Variants in CABIN1 observed in about 807,000 individuals in gnomAD.
CABIN1 encodes calcineurin binding protein 1.
In CABIN1, 133 loss-of-function variants were observed where a neutral mutation model predicts 227.7. The observed-to-expected ratio is 0.58, with a 90% CI of 0.51 to 0.67. The LOEUF (loss-of-function observed/expected upper bound fraction) is 0.67, where lower values mean the gene tolerates loss of function less well. CABIN1 is among the 30% of genes least tolerant of loss of function. The pLI, the probability that CABIN1 is intolerant of heterozygous loss-of-function variation, is 0.00. For synonymous variants in CABIN1, 1,086 were observed against 1,155.1 expected (o/e 0.94, Z 1.21); for missense variants, 2,408 against 2,852.5 (o/e 0.84, Z 3.55).
chr22:24,044,388 C>T (rs1352774610), intron 6 of CABIN1, among the ~76,000 whole-genome samples: 10 of 152,164 alleles, frequency 6.6e-5, no homozygotes, highest in African/African-American at 2.4e-4. Context: ...TCCCACCTTT[C>T]TGGCTTCTGA....
chr22:24,062,174 A>G (rs2039240448), intron 13 of CABIN1, 149 bp downstream of exon 13: 4 of 707,252 alleles, frequency 5.7e-6, no homozygotes, highest in Non-Finnish European at 1.0e-5. Flanking sequence ...GTCCCAGGGA[A>G]ATCTCCTGGA....
chr22:24,109,625 A>G (rs995000481), intron 26 of CABIN1, among the ~76,000 whole-genome samples: 2 of 152,188 alleles, frequency 1.3e-5, no homozygotes, highest in African/African-American at 4.8e-5. Context: ...CTTTTAAGGT[A>G]GCTGAGCAAA....
chr22:24,055,503 AGGTCC>A (rs2038723849), intron 9 of CABIN1, among the ~76,000 whole-genome samples: 1 of 152,256 alleles, frequency 6.6e-6, no homozygotes, highest in African/African-American at 2.4e-5. Context: ...AAGCTGGCAG[AGGTCC>A]CCTCTTCTGG....
At chr22:24,095,802 A>C in intron 24 of CABIN1, 129 bp from the exon 25 acceptor site, 1 of 980,226 alleles carries the variant, frequency 1.0e-6, no homozygotes, top group Non-Finnish European at 1.6e-6. Context: ...TTAAAAGCTA[A>C]CAAAAACAAG....
intron 26 of CABIN1, among the ~76,000 whole-genome samples, chr22:24,100,164 A>G (rs914308793): frequency 6.6e-6 from 1 of 152,336 alleles, no homozygotes; most frequent in South Asian, 2.1e-4. Flanking sequence ...ATGTCTTCAA[A>G]GTGATTCCTG....
chr22:24,142,276 T>C (rs1243889034), intron 29 of CABIN1, among the ~76,000 whole-genome samples: 1 of 152,102 alleles, frequency 6.6e-6, no homozygotes, highest in Non-Finnish European at 1.5e-5. Context: ...AGGGACCTCA[T>C]CTAGGACAGC....
intron 34 of CABIN1, 81 bp downstream of exon 34, chr22:24,172,076 G>T: frequency 6.7e-7 from 1 of 1,503,110 alleles, no homozygotes; most frequent in Non-Finnish European, 9.0e-7. Flanking sequence ...GTGAGTATGG[G>T]TAAGGGAGGC....
At chr22:24,112,960 C>T (rs1306222281) in intron 26 of CABIN1, among the ~76,000 whole-genome samples, 1 of 152,166 alleles carries the variant, frequency 6.6e-6, no homozygotes, top group Non-Finnish European at 1.5e-5. Flanking sequence ...CTCTTTGCCC[C>T]GCCCCTTTTC....
At chr22:24,030,665 C>A (rs2036430101) in intron 1 of CABIN1, among the ~76,000 whole-genome samples, 1 of 152,146 alleles carries the variant, frequency 6.6e-6, no homozygotes, top group South Asian at 2.1e-4. Context: ...TTGGGTTCTG[C>A]TGATCATGGT....
At chr22:24,158,562 G>T (rs899714631) in intron 29 of CABIN1, among the ~76,000 whole-genome samples, 1 of 152,146 alleles carries the variant, frequency 6.6e-6, no homozygotes, top group Non-Finnish European at 1.5e-5. Context: ...CCCACTTTCC[G>T]CTCAGGACGC....
In CABIN1 at chr22:24,119,686, C is replaced by T; in HGVS notation, c.4620C>T (p.Ser1540=). Residue 1540 remains serine (S), a synonymous_variant, in exon 28 of 37, where the codon AGC becomes AGT. Transcript: ENST00000263119. The part of the protein sequence containing the change: ...LYRLAFLYTY[S]KTHRNLQWAR... ...GTCTGGCCTTCCTCTACACCTACAG[C>T]AAGACCCACCGGGTGAGTGGCTGCC... The T allele has an allele frequency of 1.2e-6, 2 of 1,613,970 alleles. No individual in the cohort carries two copies. The highest frequency in any genetic ancestry group is 4.5e-5 in the East Asian group (2 of 44,884).
chr22:24,036,633 C>T (rs1017904049), intron 3 of CABIN1, among the ~76,000 whole-genome samples: 3 of 152,186 alleles, frequency 2.0e-5, no homozygotes, highest in Non-Finnish European at 2.9e-5. Context: ...GTTGGTCACT[C>T]CTCTTTCCCA....
Position 24,059,354 on chromosome 22 carries a change from A to G in CABIN1, c.1390A>G (p.Met464Val), listed in dbSNP as rs202057711. 3.6e-5 allele frequency: 58 copies of G among 1,614,184 alleles called. No homozygotes were observed. Among genetic ancestry groups the G allele is most frequent in the Non-Finnish European group, 4.7e-5 (56 of 1,180,022 alleles). The change falls in exon 11 of 37, where the codon ATG becomes GTG. Residue 464 changes from methionine (M) to valine (V), a missense_variant. Physicochemically the swap from Met to Val is conservative, Grantham distance 21 (BLOSUM62 1). Around this residue, in one of 3 missense-constraint regions of CABIN1, gnomAD observed 1,045 missense variants for 1,168.4 expected, o/e 0.89. Transcript: ENST00000263119. ...GCTGTCATTTGACTCAGCCACATTC[A>G]TGGAATCTGGTAGGAATCGAGCAGT... ...QRLSFDSATFMESEKQDVHEF... is the reference protein window; with the variant it reads ...QRLSFDSATFVESEKQDVHEF...
chr22:24,036,440 G>A (rs2146967808), intron 3 of CABIN1, among the ~76,000 whole-genome samples: 1 of 152,302 alleles, frequency 6.6e-6, no homozygotes, highest in African/African-American at 2.4e-5. Flanking sequence ...CATTCTTTGT[G>A]CAGCCCTCAG....
chr22:24,178,169 C>A lies in CABIN1; in HGVS notation c.6636C>A (p.Asp2212Glu), dbSNP rs140560210. ...SQESSLESET[D>E]EDDDYMDI ...AGTCCTCGCTGGAGAGCGAGACAGA[C>A]GAGGACGACGACTACATGGACATTT... Residue 2212 changes from aspartate to glutamate, a missense_variant, in exon 37 of 37, where the codon GAC becomes GAA. By Grantham distance (45) the Asp-to-Glu change is conservative (BLOSUM62 2). Around this residue, in one of 3 missense-constraint regions of CABIN1, gnomAD observed 714 missense variants for 773.8 expected, o/e 0.92. Coordinates refer to ENST00000263119, the MANE Select transcript of CABIN1 (RefSeq NM_012295.4). The A allele has an allele frequency of 1.2e-6, 2 of 1,613,354 alleles. No individual in the cohort carries two copies. Among genetic ancestry groups the A allele is most frequent in the Non-Finnish European group, 1.7e-6 (2 of 1,179,960 alleles).
In CABIN1 at chr22:24,091,902, C is replaced by T. The variant is rs533183109; in HGVS notation, c.3786+59C>T. ...GGCAGGGGCAGGCTGGTTTCTTTAT[C>T]TCCCTGGGCATGTGGCTCAAGGTTC... On this transcript the variant is annotated intron_variant, in intron 24 of 36. Transcript: ENST00000263119. The T allele has an allele frequency of 2.9e-4, 459 of 1,598,260 alleles. 4 individuals are homozygous for T. The South Asian group carries it at 4.8e-3, about 17-fold the overall frequency.
intron 19 of CABIN1, among the ~76,000 whole-genome samples, chr22:24,076,761 C>T (rs915753085): frequency 7.2e-5 from 11 of 152,196 alleles, no homozygotes; most frequent in Admixed American, 5.2e-4. Context: ...AGAGCACATA[C>T]ACTTCCTTGC....
chr22:24,122,390 T>G (rs2043467565), intron 28 of CABIN1, among the ~76,000 whole-genome samples: 1 of 152,144 alleles, frequency 6.6e-6, no homozygotes, highest in Non-Finnish European at 1.5e-5. Flanking sequence ...GAGCCATCGC[T>G]AAGCCAAAAA....
intron 1 of CABIN1, among the ~76,000 whole-genome samples, chr22:24,027,724 C>T (rs939356055): frequency 6.6e-6 from 1 of 152,278 alleles, no homozygotes; most frequent in Admixed American, 6.5e-5. Context: ...CATGCTCTCT[C>T]ACCCTTCTGC....
Sources: allele counts gnomAD v4.1 joint callset (sites outside exome capture counted in the v4.1 genomes callset), GRCh38; gene constraint gnomAD v4.1.1; regional missense constraint gnomAD v4.1.1; transcripts MANE v1.5; gene names NCBI Gene and HGNC (gene_info 2026-07-23, HGNC 2026-07-21).